Variants in PTPRD observed in about 807,000 individuals in gnomAD.
PTPRD encodes receptor-type tyrosine-protein phosphatase delta.
A neutral mutation model predicts 214.5 loss-of-function variants in PTPRD; 34 were observed. The ratio of observed to expected loss-of-function variants is 0.16; its 90% CI spans 0.12 to 0.21. The LOEUF (loss-of-function observed/expected upper bound fraction) is 0.21, where lower values mean the gene tolerates loss of function less well. PTPRD is among the 10% of genes least tolerant of loss of function. The pLI, the probability that PTPRD is intolerant of heterozygous loss-of-function variation, is 1.00. For missense variants in PTPRD, 2,545 were observed against 2,398.7 expected, an observed-to-expected ratio of 1.06 and a Z score of -1.27; for synonymous variants, 1,128 against 845.7, an observed-to-expected ratio of 1.33 and a Z score of -5.79.
At chr9:8,549,483 G>A (rs984957520) in intron 14 of PTPRD, among the ~76,000 whole-genome samples, 3 of 152,144 alleles carry the variant, frequency 2.0e-5, no homozygotes, top group Non-Finnish European at 2.9e-5. Context: ...TGGGAAACAG[G>A]GGTTTTGCAA....
intron 11 of PTPRD, among the ~76,000 whole-genome samples, chr9:8,765,534 C>T: frequency 6.6e-6 from 1 of 152,162 alleles, no homozygotes; most frequent in Admixed American, 6.6e-5. Flanking sequence ...CTGCCAAAAG[C>T]CAAGTAGCAG....
intron 11 of PTPRD, among the ~76,000 whole-genome samples, chr9:8,826,055 C>G (rs1372298132): frequency 2.0e-5 from 3 of 152,124 alleles, no homozygotes; most frequent in African/African-American, 7.2e-5. Context: ...TTTTACCCAG[C>G]TTTTAAGATG....
intron 9 of PTPRD, among the ~76,000 whole-genome samples, chr9:9,351,729 G>C (rs572318823): frequency 6.6e-6 from 1 of 152,046 alleles, no homozygotes; most frequent in African/African-American, 2.4e-5. Context: ...ATATTCTCTA[G>C]TGTATGTCTG....
intron 10 of PTPRD, among the ~76,000 whole-genome samples, chr9:9,019,469 C>T (rs1223916129): frequency 6.6e-6 from 1 of 152,136 alleles, no homozygotes; most frequent in Non-Finnish European, 1.5e-5. Flanking sequence ...CTTGGGGAGG[C>T]CAAGGCAGGC....
intron 2 of PTPRD, among the ~76,000 whole-genome samples, chr9:10,404,015 T>C (rs1218046016): frequency 6.6e-6 from 1 of 151,646 alleles, no homozygotes; most frequent in African/African-American, 2.4e-5. Context: ...GATAGTGATG[T>C]ATCATGTAGT....
At chr9:8,451,805 C>T in intron 33 of PTPRD, 2 of 430,888 alleles carry the variant, frequency 4.6e-6, no homozygotes, top group South Asian at 3.4e-5. Context: ...TTGGATTTTT[C>T]TCCCTTCCCA....
At chr9:9,170,343 T>C (rs1298856441) in intron 10 of PTPRD, among the ~76,000 whole-genome samples, 1 of 152,176 alleles carries the variant, frequency 6.6e-6, no homozygotes, top group East Asian at 1.9e-4. Flanking sequence ...ATGTTAGATT[T>C]CACTGTGGCA....
At chr9:9,583,346 C>T (rs2154316660) in intron 7 of PTPRD, among the ~76,000 whole-genome samples, 1 of 152,138 alleles carries the variant, frequency 6.6e-6, no homozygotes, top group East Asian at 1.9e-4. Flanking sequence ...AAAAATGCCG[C>T]TCTAAATTAT....
chr9:10,278,793 C>G (rs112048850), intron 3 of PTPRD, among the ~76,000 whole-genome samples: 17,707 of 150,534 alleles, frequency 0.12, 1,708 homozygotes, highest in East Asian at 0.31. Context: ...TTTTGTTTTT[C>G]AGATGGAGTC....
intron 9 of PTPRD, among the ~76,000 whole-genome samples, chr9:9,350,959 GT>G (rs1249966795): frequency 6.6e-6 from 1 of 151,986 alleles, no homozygotes; most frequent in Non-Finnish European, 1.5e-5. Flanking sequence ...CTTTGGGCAA[GT>G]TTTTGTTCGT....
intron 8 of PTPRD, among the ~76,000 whole-genome samples, chr9:9,502,096 C>T (rs914910050): frequency 1.3e-5 from 2 of 151,838 alleles, no homozygotes; most frequent in African/African-American, 4.8e-5. Context: ...AAAGGTTCCG[C>T]TTGCTCTCAT....
chr9:8,496,633 C>G lies in PTPRD; in HGVS notation c.2349+609G>C, dbSNP rs1453588343. On this transcript the variant is annotated intron_variant, in intron 26 of 45. Transcript: ENST00000381196. ...ATGTATGGGTAAAGTGAAGAACAGC[C>G]ACTTCTAGTTAGAGTTAATCAGTGC... Among the ~76,000 whole-genome samples, 3 of 152,170 alleles carry G rather than the reference C, an allele frequency of 2.0e-5. 1 individual carries two copies. The highest frequency in any genetic ancestry group is 7.2e-5 in the African/African-American group (3 of 41,444).
At chr9:8,367,432 C>T (rs1218040980) in intron 39 of PTPRD, among the ~76,000 whole-genome samples, 1 of 152,088 alleles carries the variant, frequency 6.6e-6, no homozygotes, top group Non-Finnish European at 1.5e-5. Flanking sequence ...GAGCAAAGCC[C>T]AAGGACGCTG....
chr9:9,154,553 A>C (rs142378445), intron 10 of PTPRD, among the ~76,000 whole-genome samples: 4 of 152,292 alleles, frequency 2.6e-5, no homozygotes, highest in Admixed American at 6.5e-5. Flanking sequence ...GACCTCATTT[A>C]ATCCAAATTA....
intron 9 of PTPRD, among the ~76,000 whole-genome samples, chr9:9,389,961 G>A (rs1377561034): frequency 6.6e-6 from 1 of 152,156 alleles, no homozygotes; most frequent in Non-Finnish European, 1.5e-5. Context: ...GTGCTCTGGA[G>A]GCAATGGAAA....
intron 3 of PTPRD, among the ~76,000 whole-genome samples, chr9:10,264,393 A>G (rs145569282): frequency 0.012 from 1,883 of 152,296 alleles, 44 homozygotes; most frequent in African/African-American, 0.043. Context: ...GAGCTGCCCA[A>G]GACCATGGGA....
At chr9:8,593,512 T>G (rs1478324095) in intron 14 of PTPRD, among the ~76,000 whole-genome samples, 1 of 152,224 alleles carries the variant, frequency 6.6e-6, no homozygotes, top group Non-Finnish European at 1.5e-5. Flanking sequence ...CTAGTAGATC[T>G]TCTCAAAATG....
At position 8,376,517 on chromosome 9, in the gene PTPRD, A is replaced by G. The variant is rs916759757; in HGVS notation, c.4506+90T>C. ...CTGTTGCCATTGAGATCAAGATTTAAGTAAAGCCTTAAGAGATTTCATTTC... is the reference window on the plus strand; with the variant it reads ...CTGTTGCCATTGAGATCAAGATTTAGGTAAAGCCTTAAGAGATTTCATTTC... On this transcript the variant is annotated intron_variant, in intron 38 of 45. Coordinates refer to ENST00000381196, the MANE Select transcript of PTPRD (RefSeq NM_002839.4). 7 of 1,565,328 alleles carry G rather than the reference A, an allele frequency of 4.5e-6. No homozygotes were observed. In the African/African-American group the frequency reaches 9.6e-5, roughly 21 times the overall value.
At chr9:8,636,940 G>T (rs192462018) in intron 12 of PTPRD, 96 bp from the exon 13 acceptor site, 227 of 1,212,036 alleles carry the variant, frequency 1.9e-4, no homozygotes, top group Non-Finnish European at 1.8e-4. Context: ...CAACCACACC[G>T]CCATCAAGAC....
Sources: gnomAD v4.1 joint callset for allele counts (sites outside exome capture counted in the v4.1 genomes callset) on GRCh38, gnomAD v4.1.1 for gene constraint, MANE v1.5 for transcripts, NCBI Gene and HGNC (gene_info 2026-07-23, HGNC 2026-07-21) for gene names.